The following PKD1L1 variants were observed in gnomAD, a reference collection of about 807,000 sequenced individuals.
The protein encoded by PKD1L1 is polycystin 1 like 1, transient receptor potential channel interacting.
In PKD1L1, 236 loss-of-function variants were observed where a neutral mutation model predicts 323.4. That is an observed-to-expected ratio of 0.73 (90% CI 0.66 to 0.81). The LOEUF (loss-of-function observed/expected upper bound fraction) is 0.81, where lower values mean the gene tolerates loss of function less well. Ranked by LOEUF, PKD1L1 falls within the 40% of genes least tolerant of loss-of-function variation. The pLI is 0.00. For missense variants in PKD1L1, 3,320 were observed against 3,508.0 expected (o/e 0.95, Z 1.35); for synonymous variants, 1,344 against 1,335.0 (o/e 1.01, Z -0.15).
chr7:47,923,612 T>G (rs1217919382), intron 7 of PKD1L1, among the ~76,000 whole-genome samples: 1 of 151,784 alleles, frequency 6.6e-6, no homozygotes, highest in East Asian at 1.9e-4. Context: ...GCTCCCACTC[T>G]GTGAATTGTC....
intron 15 of PKD1L1, among the ~76,000 whole-genome samples, chr7:47,891,217 A>G (rs2128748813): frequency 6.6e-6 from 1 of 152,266 alleles, no homozygotes; most frequent in East Asian, 1.9e-4. Flanking sequence ...GAGGCCTCAG[A>G]GTGTTTCCCT....
the PKD1L1 span, among the ~76,000 whole-genome samples, chr7:47,959,580 G>A: frequency 3.6e-5 from 5 of 138,198 alleles, no homozygotes; most frequent in Admixed American, 2.9e-4. Flanking sequence ...GAGACCCTCC[G>A]CCTGGCAACT....
At chr7:47,935,198 G>A (rs549310294) in intron 4 of PKD1L1, among the ~76,000 whole-genome samples, 11 of 152,178 alleles carry the variant, frequency 7.2e-5, no homozygotes, top group East Asian at 3.9e-4. Flanking sequence ...AATAAGCTGC[G>A]AAATTCTTCA....
chr7:47,909,483 G>T (rs1181522552), intron 8 of PKD1L1, among the ~76,000 whole-genome samples: 2 of 152,180 alleles, frequency 1.3e-5, no homozygotes, highest in Non-Finnish European at 2.9e-5. Flanking sequence ...CCTACCATGA[G>T]CCTCTTTGAA....
chr7:47,940,888 C>T (rs532447382), intron 2 of PKD1L1, among the ~76,000 whole-genome samples: 4 of 152,348 alleles, frequency 2.6e-5, no homozygotes, highest in South Asian at 4.1e-4. Flanking sequence ...GGCCCTGCCA[C>T]ATCCCATGTC....
At chr7:47,837,368 C>T in intron 36 of PKD1L1, among the ~76,000 whole-genome samples, 1 of 152,132 alleles carries the variant, frequency 6.6e-6, no homozygotes, top group South Asian at 2.1e-4. Flanking sequence ...CTTGAAGCTG[C>T]TCCTCCTTCA....
intron 31 of PKD1L1, among the ~76,000 whole-genome samples, chr7:47,850,696 A>G (rs1785763578): frequency 1.3e-5 from 2 of 152,062 alleles, no homozygotes; most frequent in South Asian, 4.2e-4. Flanking sequence ...AAAAAAGTGA[A>G]CCTAGCTGTA....
At chr7:47,801,723 G>T (rs988781844) in intron 53 of PKD1L1, among the ~76,000 whole-genome samples, 4 of 152,218 alleles carry the variant, frequency 2.6e-5, no homozygotes, top group African/African-American at 9.6e-5. Flanking sequence ...TCAGACATCA[G>T]TGGAACTCAG....
At chr7:47,899,312 T>C (rs17131924) in intron 13 of PKD1L1, among the ~76,000 whole-genome samples, 12,176 of 152,290 alleles carry the variant, frequency 0.08, 1,662 homozygotes, top group African/African-American at 0.28. Flanking sequence ...CTGTTATTTA[T>C]GCTTTAAAAT....
At chr7:47,780,138 T>C (rs1786658703) in intron 56 of PKD1L1, among the ~76,000 whole-genome samples, 1 of 152,196 alleles carries the variant, frequency 6.6e-6, no homozygotes, top group South Asian at 2.1e-4. Flanking sequence ...GGTCACATCT[T>C]GCAAAATTAC....
At chr7:47,908,375 T>C (rs1787253036) in intron 8 of PKD1L1, 125 bp from the exon 9 acceptor site, 1 of 918,742 alleles carries the variant, frequency 1.1e-6, no homozygotes, top group African/African-American at 1.7e-5. Context: ...GTGATCTTTC[T>C]TGTCTCTTGT....
chr7:47,854,191 G>C (rs755550325), intron 30 of PKD1L1, among the ~76,000 whole-genome samples: 3 of 152,134 alleles, frequency 2.0e-5, no homozygotes, highest in African/African-American at 7.2e-5. Flanking sequence ...CAGCGCCTGT[G>C]TAAGATACAG....
chr7:47,848,270 G>A (rs1364286989), intron 31 of PKD1L1, among the ~76,000 whole-genome samples: 1 of 152,018 alleles, frequency 6.6e-6, no homozygotes, highest in Non-Finnish European at 1.5e-5. Context: ...ATATGCACAA[G>A]TCTTCCATGT....
chr7:47,801,321 T>C (rs1289679698), intron 53 of PKD1L1, among the ~76,000 whole-genome samples: 1 of 152,200 alleles, frequency 6.6e-6, no homozygotes, highest in East Asian at 1.9e-4. Flanking sequence ...TCAGGAAGGC[T>C]TTCCAATTTT....
chr7:47,854,731 C>G (rs143430491), intron 30 of PKD1L1, 151 bp downstream of exon 30: 1 of 977,934 alleles, frequency 1.0e-6, no homozygotes, highest in East Asian at 2.6e-5. Flanking sequence ...GCTTAGCATC[C>G]AAACAGCAGA....
At chr7:47,809,744 G>A in intron 50 of PKD1L1, 167 bp from the exon 51 acceptor site, 1 of 488,580 alleles carries the variant, frequency 2.0e-6, no homozygotes, top group South Asian at 3.7e-5. Context: ...TCTTCAGTAG[G>A]CACTTGGGGT....
At position 47,808,345 on chromosome 7, in the gene PKD1L1, C is replaced by T. The variant is rs373247177; in HGVS notation, c.7729G>A (p.Gly2577Ser). 38 of 1,613,940 alleles carry T rather than the reference C, an allele frequency of 2.4e-5. No individual in the cohort carries two copies. The African/African-American group carries it at 2.4e-4, about 10-fold the overall frequency. Residue 2577 changes from glycine to serine, a missense_variant, in exon 52 of 57, where the codon GGC (glycine) becomes AGC (serine). Gly to Ser is a moderately conservative substitution (Grantham distance 56, BLOSUM62 0). Transcript: ENST00000289672. ...TCTCCAGCAAGAGTAACAAGGTGGC[C>T]GGAAACTGCATAGTAGGTGAGGCTC... ...GVSLTYYAVSGHLVTLAGDVT... is the reference protein window; with the variant it reads ...GVSLTYYAVSSHLVTLAGDVT...
chr7:47,800,018 T>C (rs1389096304), intron 54 of PKD1L1, among the ~76,000 whole-genome samples: 1 of 152,252 alleles, frequency 6.6e-6, no homozygotes, highest in Non-Finnish European at 1.5e-5. Context: ...TTACTAATAC[T>C]GAAAACTTTT....
chr7:47,913,717 T>G (rs1787371913), intron 8 of PKD1L1, among the ~76,000 whole-genome samples: 1 of 152,224 alleles, frequency 6.6e-6, no homozygotes, highest in Non-Finnish European at 1.5e-5. Context: ...CATCAATGTT[T>G]CCTATACAGT....
Sources: allele counts gnomAD v4.1 joint callset (sites outside exome capture counted in the v4.1 genomes callset), GRCh38; gene constraint gnomAD v4.1.1; transcripts MANE v1.5; gene names NCBI Gene and HGNC (gene_info 2026-07-23, HGNC 2026-07-21).